The following SORCS2 variants were observed in gnomAD, a reference collection of about 807,000 sequenced individuals.
The protein encoded by SORCS2 is sortilin related VPS10 domain containing receptor 2.
A neutral mutation model predicts 141.6 loss-of-function variants in SORCS2; 100 were observed. That is an observed-to-expected ratio of 0.71 (90% CI 0.60 to 0.83). The LOEUF is 0.83. Ranked by LOEUF, SORCS2 falls within the 40% of genes least tolerant of loss-of-function variation. SORCS2 has a pLI of 0.00. For synonymous variants in SORCS2, 789 were observed against 676.9 expected (o/e 1.17, Z -2.57); for missense variants, 1,646 against 1,560.2 (o/e 1.05, Z -0.93).
intron 2 of SORCS2, among the ~76,000 whole-genome samples, chr4:7,415,128 G>A (rs1358168697): frequency 2.0e-5 from 3 of 152,176 alleles, no homozygotes; most frequent in African/African-American, 4.8e-5. Context: ...GGGGTTTTGG[G>A]GCACGCCTTG....
chr4:7,320,793 C>G (rs1455607626), intron 1 of SORCS2, among the ~76,000 whole-genome samples: 3 of 152,184 alleles, frequency 2.0e-5, no homozygotes, highest in African/African-American at 7.2e-5. Context: ...GCTCCTACTC[C>G]TTTGTCATTC....
chr4:7,375,608 T>C (rs1722589510), intron 1 of SORCS2, among the ~76,000 whole-genome samples: 1 of 152,336 alleles, frequency 6.6e-6, no homozygotes, highest in South Asian at 2.1e-4. Context: ...AACATCTGAG[T>C]TCAGGCTTGG....
chr4:7,291,181 C>G (rs1386866748), intron 1 of SORCS2, among the ~76,000 whole-genome samples: 3 of 152,020 alleles, frequency 2.0e-5, no homozygotes, highest in African/African-American at 7.3e-5. Context: ...AGAAGGGGCT[C>G]GGATGAGGCG....
At chr4:7,729,436 T>A (rs1727448525) in intron 22 of SORCS2, 151 bp from the exon 23 acceptor site, 2 of 1,089,382 alleles carry the variant, frequency 1.8e-6, no homozygotes, top group African/African-American at 1.6e-5. Flanking sequence ...CCTGGGACCC[T>A]GGAAGGATCC....
rs558443484 is a variant in SORCS2 at position 7,717,296 on chromosome 4, G to A, written c.2253-716G>A. On this transcript the variant is annotated intron_variant, in intron 17 of 26. Transcript: ENST00000507866. ...ATTCTCGCTGAAAGCCCCTTTGTCAGGGTCCAGGTCCCCAGGGATGCCCCA... is the reference window on the plus strand; with the variant it reads ...ATTCTCGCTGAAAGCCCCTTTGTCAAGGTCCAGGTCCCCAGGGATGCCCCA... 2.6e-5 allele frequency among the ~76,000 whole-genome samples: 4 copies of A among 152,300 alleles called. No individual in the cohort carries two copies. The East Asian group carries it at 7.7e-4, about 29-fold the overall frequency.
chr4:7,268,744 GGCTTCCAGGAGGAGGTGATGCTGGAACT>G (rs1181254529), intron 1 of SORCS2, among the ~76,000 whole-genome samples: 2 of 152,198 alleles, frequency 1.3e-5, no homozygotes, highest in African/African-American at 4.8e-5. Context: ...GAGCAGGGAG[GGCTTCCAGGAGGAGGTGATGCTGGAACT>G]GCTTCCATCT....
At chr4:7,595,880 G>A (rs950391032) in intron 3 of SORCS2, among the ~76,000 whole-genome samples, 2 of 152,194 alleles carry the variant, frequency 1.3e-5, no homozygotes, top group Non-Finnish European at 2.9e-5. Context: ...CAAGCCCGAC[G>A]CGGACTCTGA....
chr4:7,708,059 G>A (rs936731349), intron 14 of SORCS2, among the ~76,000 whole-genome samples: 7 of 152,304 alleles, frequency 4.6e-5, no homozygotes, highest in Admixed American at 2.6e-4. Context: ...GGAGGATTCC[G>A]GGAAGCAGAA....
chr4:7,465,275 G>A (rs1729551041), intron 2 of SORCS2, among the ~76,000 whole-genome samples: 1 of 152,256 alleles, frequency 6.6e-6, no homozygotes, highest in Admixed American at 6.5e-5. Context: ...AATCTCAGCG[G>A]TTGCCATTTG....
chr4:7,733,882 C>T (rs552770433), intron 24 of SORCS2, among the ~76,000 whole-genome samples: 44 of 152,318 alleles, frequency 2.9e-4, no homozygotes, highest in African/African-American at 9.9e-4. Flanking sequence ...GGGGACCTCT[C>T]CAAGGCCACA....
chr4:7,598,687 C>T (rs556523038), intron 3 of SORCS2, among the ~76,000 whole-genome samples: 44 of 152,326 alleles, frequency 2.9e-4, no homozygotes, highest in Non-Finnish European at 5.4e-4. Flanking sequence ...GCCAATCTTA[C>T]CTAAGCTTTC....
At chr4:7,519,953 C>T (rs1056122004) in intron 2 of SORCS2, among the ~76,000 whole-genome samples, 3 of 152,210 alleles carry the variant, frequency 2.0e-5, no homozygotes, top group African/African-American at 7.2e-5. Context: ...GGAGCTGGGG[C>T]AGCCTGGAGT....
chr4:7,660,054 G>A (rs532059858), intron 5 of SORCS2, among the ~76,000 whole-genome samples: 4 of 152,278 alleles, frequency 2.6e-5, no homozygotes, highest in Non-Finnish European at 5.9e-5. Context: ...AGATAAGTAT[G>A]ATAAGGCAAC....
At chr4:7,371,753 G>A (rs1001907835) in intron 1 of SORCS2, among the ~76,000 whole-genome samples, 1 of 152,150 alleles carries the variant, frequency 6.6e-6, no homozygotes, top group African/African-American at 2.4e-5. Context: ...GGTGTGTGTC[G>A]GGAGCTGAGC....
chr4:7,436,516 A>G (rs1425978611), intron 2 of SORCS2, among the ~76,000 whole-genome samples: 1 of 152,184 alleles, frequency 6.6e-6, no homozygotes, highest in African/African-American at 2.4e-5. Flanking sequence ...AGGGGGTGCG[A>G]CCCAGGAGGC....
At chr4:7,639,754 AGT>A (rs1223137283) in intron 4 of SORCS2, among the ~76,000 whole-genome samples, 2 of 141,426 alleles carry the variant, frequency 1.4e-5, no homozygotes, top group African/African-American at 5.3e-5. Flanking sequence ...TGAATGTATG[AGT>A]GTATGTGGGT....
At chr4:7,636,759 G>A (rs1720283757) in intron 3 of SORCS2, among the ~76,000 whole-genome samples, 6 of 151,874 alleles carry the variant, frequency 4.0e-5, no homozygotes, top group Admixed American at 3.9e-4. Context: ...CGAATAACAC[G>A]ATTCCCGGTT....
intron 4 of SORCS2, among the ~76,000 whole-genome samples, chr4:7,649,904 A>C (rs140603265): frequency 0.018 from 2,779 of 152,282 alleles, 78 homozygotes; most frequent in African/African-American, 0.063. Flanking sequence ...GTGGGAACAG[A>C]AAAGAAGCAC....
chr4:7,414,312 G>C (rs111739478), intron 2 of SORCS2, among the ~76,000 whole-genome samples: 1 of 152,156 alleles, frequency 6.6e-6, no homozygotes, highest in African/African-American at 2.4e-5. Flanking sequence ...CCTACCCCCG[G>C]GCATGCTGGG....
Sources: allele counts gnomAD v4.1 joint callset (sites outside exome capture counted in the v4.1 genomes callset), GRCh38; gene constraint gnomAD v4.1.1; transcripts MANE v1.5; gene names NCBI Gene and HGNC (gene_info 2026-07-23, HGNC 2026-07-21).